The following LMBR1 variants were observed in gnomAD, a reference collection of about 807,000 sequenced individuals.
LMBR1 encodes limb region 1 protein homolog.
Under a neutral mutation model 73.9 loss-of-function variants are expected in LMBR1, and 52 were observed. The ratio of observed to expected loss-of-function variants is 0.70; its 90% CI spans 0.56 to 0.89. LMBR1 has a LOEUF of 0.89. LMBR1 is among the 40% of genes least tolerant of loss of function. LMBR1 has a pLI of 0.00. For synonymous variants in LMBR1, 215 were observed against 209.4 expected (o/e 1.03, Z -0.23); for missense variants, 539 against 579.8 (o/e 0.93, Z 0.72).
intron 1 of LMBR1, among the ~76,000 whole-genome samples, chr7:156,863,590 A>G (rs1798032344): frequency 6.6e-6 from 1 of 152,164 alleles, no homozygotes. Flanking sequence ...GATTTAGTAA[A>G]TACTTCCAAA....
rs758020170 is a variant in LMBR1 at position 156,725,782 on chromosome 7, A to G, written c.1049T>C (p.Leu350Pro). The G allele has an allele frequency of 6.2e-6, 10 of 1,613,592 alleles. No individual in the cohort carries two copies. The highest frequency in any genetic ancestry group is 8.5e-6 in the Non-Finnish European group (10 of 1,179,800). Residue 350 changes from leucine (L) to proline (P), a missense_variant, in exon 13 of 17, where the codon CTT becomes CCT. Physicochemically the swap from Leu to Pro is moderately conservative, Grantham distance 98. Coordinates refer to ENST00000353442, the MANE Select transcript of LMBR1 (RefSeq NM_022458.4). ...LSTFGFVGAA[L>P]EIILIFYLMV... The stretch of plus-strand genomic sequence containing the variant: ...AGGATACAAAATCAAAATGATTTCA[A>G]GCGCAGCTCCCACAAAACCAAACGT...
chr7:156,840,836 G>C (rs576560972), intron 1 of LMBR1, among the ~76,000 whole-genome samples: 1 of 151,236 alleles, frequency 6.6e-6, no homozygotes, highest in Non-Finnish European at 1.5e-5. Context: ...GTCGTGGCGG[G>C]CGTCTGTAGT....
chr7:156,724,205 T>C (rs147375701), intron 14 of LMBR1, 27 bp from the exon 15 acceptor site: 5 of 1,570,998 alleles, frequency 3.2e-6, no homozygotes, highest in Non-Finnish European at 3.5e-6. Flanking sequence ...GAAAGAATAT[T>C]GGGCAGTTAA....
chr7:156,858,539 G>C (rs1263352171), intron 1 of LMBR1, among the ~76,000 whole-genome samples: 1 of 152,172 alleles, frequency 6.6e-6, no homozygotes, highest in Non-Finnish European at 1.5e-5. Context: ...GAAGCAGAGG[G>C]AATGCTTTCT....
Position 156,826,695 on chromosome 7 carries a change from GC to G in LMBR1, c.228del (p.Leu76PhefsTer25). ...TTGCTGATGATTGAGAAGGGTAAAAGCAAAACAGCCCCAGCTGACACTGCGA... is the reference window on the plus strand; with the variant it reads ...TTGCTGATGATTGAGAAGGGTAAAAGAAAACAGCCCCAGCTGACACTGCGA... ...FTLAVSAGAV[L>X]LLPFSIISNE... On this transcript the variant is annotated frameshift_variant, in exon 4 of 17. Coordinates refer to ENST00000353442, the MANE Select transcript of LMBR1 (RefSeq NM_022458.4). LOFTEE classifies it high-confidence loss of function. 6.2e-7 allele frequency: 1 copy of G among 1,611,682 alleles called. No homozygotes were observed. The highest frequency in any genetic ancestry group is 2.2e-5 in the East Asian group (1 of 44,860).
At chr7:156,782,391 AT>A (rs1827302133) in intron 5 of LMBR1, among the ~76,000 whole-genome samples, 1 of 152,158 alleles carries the variant, frequency 6.6e-6, no homozygotes, top group African/African-American at 2.4e-5. Context: ...ACAAATCGTC[AT>A]ATTGTTTTCC....
rs189484247 is a variant in LMBR1 at position 156,806,147 on chromosome 7, T to C, written c.320-9655A>G. On this transcript the variant is annotated intron_variant, in intron 4 of 16. Transcript: ENST00000353442. ...TGAACACAGTATCTGTCTCCACTTA[T>C]TGTGGTACTCTTTAATTTCTCTCAA... Among the ~76,000 whole-genome samples the C allele has an allele frequency of 1.2e-3, 178 of 150,976 alleles. 1 individual carries two copies. The South Asian group carries it at 0.021, about 18-fold the overall frequency.
chr7:156,762,846 A>AGTGTGTTTGTGTGTGT (rs1554505711), intron 7 of LMBR1, among the ~76,000 whole-genome samples: 4 of 148,520 alleles, frequency 2.7e-5, no homozygotes, highest in African/African-American at 9.9e-5. Context: ...TGTGAGTGTG[A>AGTGTGTTTGTGTGTGT]GTGTGTGTGT....
chr7:156,893,044 C>G lies in LMBR1; in HGVS notation c.-51G>C, dbSNP rs1383085016. On this transcript the variant is annotated 5_prime_UTR_variant, in exon 1 of 17. Transcript: ENST00000353442. ...GCCCGCGTCCGCGTGCTCCGCCACA[C>G]CATCGTCCGCCCGCCGCAGGGGCTC... 7.1e-7 allele frequency: 1 copy of G among 1,408,580 alleles called. No homozygotes were observed. Among genetic ancestry groups the G allele is most frequent in the South Asian group, 1.5e-5 (1 of 65,088 alleles). 87.3% of individuals were successfully genotyped at this position (1,408,580 alleles called of 1,614,324 possible). A position where few individuals can be genotyped will look rare whatever the true frequency, so the allele number is the denominator to read the frequency against.
rs79674194 is a variant in LMBR1 at position 156,837,170 on chromosome 7, C to CAA, written c.67-287_67-286dup. Among the ~76,000 whole-genome samples the CAA allele has an allele frequency of 0.015, 2,107 of 143,454 alleles. 45 individuals are homozygous for CAA. Among genetic ancestry groups the CAA allele is most frequent in the African/African-American group, 0.05 (1,934 of 38,968 alleles). 94.1% of individuals were successfully genotyped at this position (143,454 alleles called of 152,430 possible). On this transcript the variant is annotated intron_variant, in intron 1 of 16. Coordinates refer to ENST00000353442, the MANE Select transcript of LMBR1 (RefSeq NM_022458.4). The stretch of plus-strand genomic sequence containing the variant: ...GAAACCCTGTCTCTACTAAAAAATA[C>CAA]AAAAAAAAAAAATATTAGCAGGGCA...
At chr7:156,790,955 A>C (rs2133314431) in intron 5 of LMBR1, among the ~76,000 whole-genome samples, 1 of 152,306 alleles carries the variant, frequency 6.6e-6, no homozygotes, top group East Asian at 1.9e-4. Context: ...GCATTATCAG[A>C]ATAGAGTATT....
chr7:156,740,059 T>C (rs1818608411), intron 9 of LMBR1, among the ~76,000 whole-genome samples: 1 of 151,740 alleles, frequency 6.6e-6, no homozygotes, highest in Non-Finnish European at 1.5e-5. Flanking sequence ...ATTGAAATAA[T>C]AAAAAAGAAT....
At chr7:156,795,239 A>T (rs1373657263) in intron 5 of LMBR1, among the ~76,000 whole-genome samples, 5 of 152,162 alleles carry the variant, frequency 3.3e-5, no homozygotes, top group Non-Finnish European at 7.3e-5. Flanking sequence ...TTCCCCAGGA[A>T]AATCAAGATA....
intron 1 of LMBR1, among the ~76,000 whole-genome samples, chr7:156,844,755 C>T (rs149228233): frequency 1.8e-4 from 27 of 152,280 alleles, no homozygotes; most frequent in Non-Finnish European, 3.4e-4. Flanking sequence ...GATGCATGTC[C>T]TACTGTGCTA....
At chr7:156,874,166 G>A (rs1242444822) in intron 1 of LMBR1, among the ~76,000 whole-genome samples, 3 of 152,256 alleles carry the variant, frequency 2.0e-5, no homozygotes, top group African/African-American at 7.2e-5. Context: ...GGCAGCTAAG[G>A]CCGGACAAGA....
intron 15 of LMBR1, among the ~76,000 whole-genome samples, chr7:156,694,667 G>A (rs898179969): frequency 6.6e-6 from 1 of 152,102 alleles, no homozygotes. Context: ...CATACAGGCA[G>A]AAAATCTTAA....
chr7:156,761,086 C>T (rs1182040022), intron 8 of LMBR1, among the ~76,000 whole-genome samples: 1 of 152,164 alleles, frequency 6.6e-6, no homozygotes, highest in African/African-American at 2.4e-5. Context: ...GTCCTGGAGA[C>T]AGAATGCATA....
chr7:156,672,736 T>C (rs75852828), intron 4 of LMBR1, among the ~76,000 whole-genome samples: 2,749 of 152,330 alleles, frequency 0.018, 86 homozygotes, highest in African/African-American at 0.063. Flanking sequence ...TACATATTTA[T>C]ATGTGGCCCG....
At chr7:156,823,035 C>G (rs1835052200) in intron 4 of LMBR1, 1 of 152,206 alleles carries the variant, frequency 6.6e-6, no homozygotes, top group Non-Finnish European at 1.5e-5. Flanking sequence ...TCGCTTGAAC[C>G]CGGGAGGTAG....
Sources: gnomAD v4.1 joint callset for allele counts (sites outside exome capture counted in the v4.1 genomes callset) on GRCh38, gnomAD v4.1.1 for gene constraint, MANE v1.5 for transcripts, NCBI Gene and HGNC (gene_info 2026-07-23, HGNC 2026-07-21) for gene names.